Variants in ZNF177 observed in about 807,000 individuals in gnomAD.
ZNF177 encodes zinc finger protein 177.
ZNF177 carries 17 observed loss-of-function variants against 19.4 expected under a neutral mutation model. That is an observed-to-expected ratio of 0.87 (90% CI 0.60 to 1.31). ZNF177 has a LOEUF of 1.31. ZNF177 is among the 40% of genes most tolerant of loss of function. The pLI is 0.00. For synonymous variants in ZNF177, 220 were observed against 188.7 expected (o/e 1.17, Z -1.36); for missense variants, 633 against 561.8 (o/e 1.13, Z -1.28).
intron 2 of ZNF177, among the ~76,000 whole-genome samples, chr19:9,366,292 T>C (rs1443481244): frequency 6.6e-6 from 1 of 152,158 alleles, no homozygotes; most frequent in Non-Finnish European, 1.5e-5. Flanking sequence ...CATTCCTTTT[T>C]TTAATGAGAC....
chr19:9,365,726 C>T (rs537863330), intron 2 of ZNF177, among the ~76,000 whole-genome samples: 42 of 151,920 alleles, frequency 2.8e-4, no homozygotes, highest in African/African-American at 7.5e-4. Flanking sequence ...GGATAAAACA[C>T]GTCTCCTGTC....
intron 2 of ZNF177, among the ~76,000 whole-genome samples, chr19:9,367,792 G>T (rs2067999886): frequency 6.6e-6 from 1 of 152,078 alleles, no homozygotes; most frequent in African/African-American, 2.4e-5. Context: ...ATTGTAAACT[G>T]CTGTTAATAG....
rs1321967638 is a variant in ZNF177 at position 9,378,785 on chromosome 19, T to TA, written c.34-174dup. 1.1e-4 allele frequency among the ~76,000 whole-genome samples: 16 copies of TA among 152,308 alleles called. No homozygotes were observed. In the South Asian group the frequency reaches 3.3e-3, roughly 32 times the overall value. ...ATGAGATGGCCCAGGGAGTAGGATT[T>TA]AAAGAGAGTTCTGAGAACTCAGCTT... On this transcript the variant is annotated intron_variant, in intron 2 of 5. Transcript: ENST00000589262.
upstream of ZNF177, among the ~76,000 whole-genome samples, chr19:9,371,990 G>GTTA (rs1328438639): frequency 6.6e-6 from 1 of 152,098 alleles, no homozygotes; most frequent in African/African-American, 2.4e-5. Context: ...TATCCAAAGT[G>GTTA]TTATGCTTTT....
At chr19:9,381,127 A>G in exon 6 of ZNF177, 1 of 1,614,030 alleles carries the variant, frequency 6.2e-7, no homozygotes, top group East Asian at 2.2e-5. Flanking sequence ...GAAAACTTTC[A>G]CTGACCCTTT....
chr19:9,379,738 C>A (rs1250205156), intron 4 of ZNF177, 119 bp downstream of exon 6: 4 of 1,233,200 alleles, frequency 3.2e-6, no homozygotes, highest in African/African-American at 3.1e-5. Context: ...TCCTGTTTCA[C>A]CATCTATTCA....
rs989676073 is a variant in ZNF177 at position 9,381,430 on chromosome 19, C to A, written c.1099C>A (p.Pro367Thr). ...TGTGAGAACCCACACTGGAGAGAAA[C>A]CCTATGAATGCAGTGACTGTGGAAA... Residue 367 changes from proline (P) to threonine (T), a missense_variant, in exon 6 of 6, where the codon CCC becomes ACC. Transcript: ENST00000589262. 3.7e-6 allele frequency: 6 copies of A among 1,611,356 alleles called. No homozygotes were observed. In the Admixed American group the frequency reaches 1.0e-4, roughly 27 times the overall value.
At chr19:9,368,626 A>C (rs1469320443) in intron 2 of ZNF177, among the ~76,000 whole-genome samples, 1 of 152,090 alleles carries the variant, frequency 6.6e-6, no homozygotes, top group Non-Finnish European at 1.5e-5. Context: ...TTCTAATATA[A>C]ACATATAAAG....
downstream of ZNF177, chr19:9,382,554 T>G (rs2068217590): frequency 2.5e-6 from 1 of 395,878 alleles, no homozygotes; most frequent in Admixed American, 4.4e-5. Context: ...GAAGTTCCTC[T>G]TTCAGCTGAT....
chr19:9,363,245 C>G (rs1377980277), intron 1 of ZNF177, 161 bp downstream of exon 1: 1 of 152,334 alleles, frequency 6.6e-6, no homozygotes, highest in Non-Finnish European at 1.5e-5. Context: ...CCTCCCGGCA[C>G]TGCTGGGCTT....
chr19:9,382,197 A>T (rs1161729587), downstream of ZNF177: 2 of 405,378 alleles, frequency 4.9e-6, no homozygotes, highest in Admixed American at 8.0e-5. Flanking sequence ...TCAAGCTGGC[A>T]ATGTGGACAG....
chr19:9,377,612 G>A (rs76882869), intron 1 of ZNF177, among the ~76,000 whole-genome samples: 1 of 152,082 alleles, frequency 6.6e-6, no homozygotes, highest in African/African-American at 2.4e-5. Flanking sequence ...AAATCGGGCA[G>A]GCAAAAAGGG....
chr19:9,366,328 G>A (rs1408381644), intron 2 of ZNF177, among the ~76,000 whole-genome samples: 1 of 152,036 alleles, frequency 6.6e-6, no homozygotes, highest in African/African-American at 2.4e-5. Context: ...CACCCAGGCT[G>A]GAGTGCCGTG....
At chr19:9,372,391 T>C (rs10403714), upstream of ZNF177, among the ~76,000 whole-genome samples, 82,845 of 151,400 alleles carry the variant, frequency 0.55, 22,807 homozygotes, top group Middle Eastern at 0.62. Context: ...TAAAAAACTG[T>C]TCACTGTGGA....
At chr19:9,381,740 A>T in exon 6 of ZNF177, 1 of 1,608,988 alleles carries the variant, frequency 6.2e-7, no homozygotes, top group South Asian at 1.1e-5. Context: ...CTTATAATGC[A>T]CAAGCGAATC....
upstream of ZNF177, among the ~76,000 whole-genome samples, chr19:9,373,357 A>G (rs2122521921): frequency 6.6e-6 from 1 of 152,368 alleles, no homozygotes; most frequent in African/African-American, 2.4e-5. Context: ...AGCAATCGAC[A>G]AACACGTTGT....
At chr19:9,370,770 T>G (rs903477474) in intron 2 of ZNF177, among the ~76,000 whole-genome samples, 19 of 152,088 alleles carry the variant, frequency 1.2e-4, no homozygotes, top group African/African-American at 4.3e-4. Context: ...AGGGGGAAGG[T>G]CTACATGTTC....
exon 6 of ZNF177, chr19:9,381,304 T>A (rs1474317272): frequency 6.2e-7 from 1 of 1,613,572 alleles, no homozygotes; most frequent in Non-Finnish European, 8.5e-7. Context: ...TAGCCAGAGC[T>A]CTCATCTGAA....
At chr19:9,377,723 G>C (rs1169243678) in intron 1 of ZNF177, among the ~76,000 whole-genome samples, 1 of 152,116 alleles carries the variant, frequency 6.6e-6, no homozygotes, top group Non-Finnish European at 1.5e-5. Flanking sequence ...TGTACTAAAT[G>C]TTGTTCTGGA....
Sources: allele counts gnomAD v4.1 joint callset (sites outside exome capture counted in the v4.1 genomes callset), GRCh38; gene constraint gnomAD v4.1.1; transcripts MANE v1.5; gene names NCBI Gene and HGNC (gene_info 2026-07-23, HGNC 2026-07-21).